The following CARS2 variants were observed in gnomAD, a reference collection of about 807,000 sequenced individuals.
CARS2 encodes cysteinyl-tRNA synthetase 2, mitochondrial.
A neutral mutation model predicts 68.8 loss-of-function variants in CARS2; 52 were observed. The observed-to-expected ratio is 0.76, with a 90% CI of 0.61 to 0.95. The LOEUF is 0.95. CARS2 is among the 40% of genes least tolerant of loss of function. CARS2 has a pLI of 0.00. For missense variants in CARS2, 780 were observed against 754.2 expected (o/e 1.03, Z -0.40); for synonymous variants, 314 against 303.6 (o/e 1.03, Z -0.36).
At chr13:110,708,739 C>CATTTTT (rs200495419), upstream of CARS2, among the ~76,000 whole-genome samples, 1 of 151,384 alleles carries the variant, frequency 6.6e-6, no homozygotes, top group African/African-American at 2.4e-5. Flanking sequence ...CTAATTTTTG[C>CATTTTT]ATTTTTATTT....
In CARS2 at chr13:110,668,505, G is replaced by A. The variant is rs1310129228; in HGVS notation, c.786-1032C>T. Among the ~76,000 whole-genome samples the A allele has an allele frequency of 6.6e-6, 1 of 150,886 alleles. No homozygotes were observed. The highest frequency in any genetic ancestry group is 2.4e-5 in the African/African-American group (1 of 41,016). On this transcript the variant is annotated intron_variant, in intron 7 of 14. Transcript: ENST00000257347. The surrounding 1 kb of genome is among the most constrained non-coding windows in gnomAD (Gnocchi z 4.1). ...TGCAGTGAGCCGAGATCGCGCCACT[G>A]CACTCCAGCCTGGGTGACAGAGCGA... is the stretch of plus-strand genomic sequence containing the variant.
At chr13:110,662,110 TGC>T (rs1482180367) in intron 9 of CARS2, among the ~76,000 whole-genome samples, 1 of 152,254 alleles carries the variant, frequency 6.6e-6, no homozygotes, top group African/African-American at 2.4e-5. Context: ...ACACAGCATC[TGC>T]GAAGTGCGGT....
At chr13:110,711,769 G>C (rs2064030483) in intron 1 of CARS2, among the ~76,000 whole-genome samples, 1 of 152,180 alleles carries the variant, frequency 6.6e-6, no homozygotes, top group South Asian at 2.1e-4. Context: ...GTTGCAACGT[G>C]AACAATCCGA....
chr13:110,662,647 C>T (rs1853860), intron 9 of CARS2, among the ~76,000 whole-genome samples: 117,913 of 152,266 alleles, frequency 0.77, 46,396 homozygotes, highest in Middle Eastern at 0.85. Context: ...ATCACAACTA[C>T]TGAATCTGGG....
In CARS2 at chr13:110,705,733, C is replaced by T; in HGVS notation, c.224+137G>A. 2 of 1,536,078 alleles carry T rather than the reference C, an allele frequency of 1.3e-6. No individual in the cohort carries two copies. Among genetic ancestry groups the T allele is most frequent in the East Asian group, 2.4e-5 (1 of 40,884 alleles). On this transcript the variant is annotated intron_variant, in intron 1 of 14. Coordinates refer to ENST00000257347, the MANE Select transcript of CARS2 (RefSeq NM_024537.4). The surrounding 1 kb of genome is among the most constrained non-coding windows in gnomAD (Gnocchi z 4.0). ...ATTCACACCCAAACCTGCAAAAGCA[C>T]CGCGCACCCCCAGCTTCTAGAACGG...
intron 12 of CARS2, chr13:110,645,272 C>T (rs1276638348): frequency 1.3e-5 from 2 of 152,544 alleles, no homozygotes; most frequent in Non-Finnish European, 2.9e-5. Context: ...TGCTGGTGCT[C>T]TGAAACCCAA....
rs1296229884 is a variant in CARS2 at position 110,653,625 on chromosome 13, T to C, written c.988-2525A>G. Among the ~76,000 whole-genome samples the C allele has an allele frequency of 6.6e-6, 1 of 152,224 alleles. No individual in the cohort carries two copies. The highest frequency in any genetic ancestry group is 6.5e-5 in the Admixed American group (1 of 15,284). ...TAGCCTCAATGTGTTTTCACGCATCTCATAGTTCTCTGAAACCCCAACAAC... is the reference window on the plus strand; with the variant it reads ...TAGCCTCAATGTGTTTTCACGCATCCCATAGTTCTCTGAAACCCCAACAAC... On this transcript the variant is annotated intron_variant, in intron 9 of 14. Transcript: ENST00000257347. This position sits in a 1 kb window ranked among gnomAD's most constrained non-coding sequence, Gnocchi z 5.6.
rs533212349 is a variant in CARS2 at position 110,689,763 on chromosome 13, C to T, written c.394-1745G>A. Among the ~76,000 whole-genome samples the T allele has an allele frequency of 2.0e-4, 30 of 152,280 alleles. No homozygotes were observed. In the South Asian group the frequency reaches 6.2e-3, roughly 32 times the overall value. On this transcript the variant is annotated intron_variant, in intron 3 of 14. Transcript: ENST00000257347. Reference sequence around the variant, plus strand: ...GCTGGTACTCCAATACACTTCAGCCCCTCTCCTGCGGTACAGTTTTGTGGC... The same window carrying T: ...GCTGGTACTCCAATACACTTCAGCCTCTCTCCTGCGGTACAGTTTTGTGGC...
intron 7 of CARS2, among the ~76,000 whole-genome samples, chr13:110,675,565 G>A (rs1025255976): frequency 6.6e-6 from 1 of 152,126 alleles, no homozygotes; most frequent in African/African-American, 2.4e-5. Context: ...TCATGGGGTG[G>A]GGGAGTGGGG....
intron 3 of CARS2, among the ~76,000 whole-genome samples, chr13:110,693,766 G>A (rs1288778475): frequency 2.0e-5 from 3 of 152,062 alleles, no homozygotes; most frequent in African/African-American, 7.2e-5. Context: ...AAAACAAATA[G>A]ACGAGGTAGA....
intron 6 of CARS2, among the ~76,000 whole-genome samples, chr13:110,680,519 C>G (rs536279388): frequency 6.6e-6 from 1 of 152,354 alleles, no homozygotes; most frequent in South Asian, 2.1e-4. Context: ...GCTGCTGACA[C>G]ACAGAGGCAG....
chr13:110,645,630 A>C (rs78302720), intron 12 of CARS2: 5,992 of 219,444 alleles, frequency 0.027, 368 homozygotes, highest in African/African-American at 0.13. Context: ...TCTTTCCTTA[A>C]AAAGTTCCCC....
At chr13:110,656,889 G>T (rs1005142190) in intron 9 of CARS2, among the ~76,000 whole-genome samples, 6 of 135,616 alleles carry the variant, frequency 4.4e-5, no homozygotes, top group Admixed American at 4.3e-4. Flanking sequence ...GTCTCAAAAA[G>T]AAAAAAAAAA....
chr13:110,647,370 A>C, intron 10 of CARS2, 131 bp from the exon 11 acceptor site: 50 of 1,160,852 alleles, frequency 4.3e-5, no homozygotes, highest in Non-Finnish European at 5.9e-5. Flanking sequence ...TGTGGCTCTC[A>C]CGCCCTCCAG....
rs769307767 is a variant in CARS2 at position 110,687,747 on chromosome 13, C to T, written c.545G>A (p.Arg182His). 14 of 1,610,290 alleles carry T rather than the reference C, an allele frequency of 8.7e-6. No individual in the cohort carries two copies. Among genetic ancestry groups the T allele is most frequent in the African/African-American group, 2.7e-5 (2 of 74,432 alleles). The change falls in exon 5 of 15, where the codon CGT becomes CAT. Residue 182 changes from arginine to histidine, a missense_variant. By Grantham distance (29) the Arg-to-His change is conservative (BLOSUM62 0). Transcript: ENST00000257347. Reference sequence around the variant, plus strand: ...TTTTGCCGTTGAATAAGCGTTCCCACGAGCAATGATTCCTTCAATGAAAGA... The same window carrying T: ...TTTTGCCGTTGAATAAGCGTTCCCATGAGCAATGATTCCTTCAATGAAAGA... The part of the protein sequence containing the change: ...IISFIEGIIA[R>H]GNAYSTAKGN...
intron 3 of CARS2, among the ~76,000 whole-genome samples, chr13:110,698,698 C>T (rs949838059): frequency 3.9e-4 from 59 of 151,784 alleles, no homozygotes; most frequent in African/African-American, 1.4e-3. Context: ...GGATGGGCTT[C>T]ATGCCTTCTT....
At chr13:110,681,393 C>T (rs2063153247) in intron 6 of CARS2, among the ~76,000 whole-genome samples, 1 of 151,918 alleles carries the variant, frequency 6.6e-6, no homozygotes, top group Admixed American at 6.6e-5. Context: ...TAATTTTGTA[C>T]CATTATAAAT....
chr13:110,669,868 G>A (rs143190818), intron 7 of CARS2, among the ~76,000 whole-genome samples: 2 of 152,290 alleles, frequency 1.3e-5, no homozygotes, highest in Admixed American at 6.5e-5. Context: ...CCCTAATACT[G>A]TGCTTTTCCA....
chr13:110,646,243 C>A, intron 11 of CARS2, 153 bp from the exon 12 acceptor site: 1 of 820,360 alleles, frequency 1.2e-6, no homozygotes, highest in Non-Finnish European at 1.8e-6. Flanking sequence ...TCCTGAGTAG[C>A]AGAAAATTAT....
Sources: gnomAD v4.1 joint callset for allele counts (sites outside exome capture counted in the v4.1 genomes callset) on GRCh38, gnomAD v4.1.1 for gene constraint, Gnocchi (gnomAD v3.1) non-coding constraint, MANE v1.5 for transcripts, NCBI Gene and HGNC (gene_info 2026-07-23, HGNC 2026-07-21) for gene names.